The following ETV4 variants were observed in gnomAD, a reference collection of about 807,000 sequenced individuals.
The protein encoded by ETV4 is ETS variant transcription factor 4, also known as ETS translocation variant 4.
In ETV4, 42 loss-of-function variants were observed where a neutral mutation model predicts 65.9. That is an observed-to-expected ratio of 0.64 (90% CI 0.50 to 0.82). ETV4 has a LOEUF of 0.82. Among genes scored for constraint, ETV4 ranks in the 40% least tolerant of loss-of-function variants. The pLI is 0.00. For missense variants in ETV4, 583 were observed against 630.3 expected (o/e 0.92, Z 0.80); for synonymous variants, 238 against 260.0 (o/e 0.92, Z 0.81).
At chr17:43,543,023 G>A (rs1222052878) in intron 4 of ETV4, among the ~76,000 whole-genome samples, 1 of 152,092 alleles carries the variant, frequency 6.6e-6, no homozygotes, top group Admixed American at 6.5e-5. Context: ...ATGGTGCAGG[G>A]GGACAGGGCC....
chr17:43,529,748 G>A lies in ETV4; in HGVS notation c.956-72C>T, dbSNP rs926602619. 5.7e-6 allele frequency: 9 copies of A among 1,590,872 alleles called. No individual in the cohort carries two copies. In the African/African-American group the frequency reaches 1.2e-4, roughly 21 times the overall value. ...CCCCAAGCAACCGCCTCCCACCCGA[G>A]GGATTTCTCGAAGGGGTCTCCCCAG... is the stretch of plus-strand genomic sequence containing the variant. On this transcript the variant is annotated intron_variant, in intron 10 of 12. Coordinates refer to ENST00000319349, the MANE Select transcript of ETV4 (RefSeq NM_001079675.5).
At chr17:43,536,039 AG>A (rs1971226674) in intron 5 of ETV4, among the ~76,000 whole-genome samples, 1 of 152,192 alleles carries the variant, frequency 6.6e-6, no homozygotes, top group African/African-American at 2.4e-5. Flanking sequence ...TAAACCCGGG[AG>A]GCGGAAGTTG....
chr17:43,543,401 C>A (rs1971631528), intron 4 of ETV4, among the ~76,000 whole-genome samples: 2 of 152,178 alleles, frequency 1.3e-5, no homozygotes, highest in African/African-American at 4.8e-5. Flanking sequence ...GAGATGAGAG[C>A]ATTTTCCTCC....
chr17:43,530,487 G>A (rs886703075), intron 8 of ETV4: 3 of 1,272,724 alleles, frequency 2.4e-6, no homozygotes, highest in Admixed American at 3.6e-5. Context: ...GCGAGTTCAG[G>A]GGGAGGAGGG....
rs1367844976 is a variant in ETV4 at position 43,545,343 on chromosome 17, G to T, written c.85C>A (p.Arg29Ser). ...SSKSPGNGSL[R>S]EALIGPLGKL... Reference sequence around the variant, plus strand: ...CCCAGCGGGCCGATCAGCGCTTCGCGCAAGCTCCCATTTCCGGGCGATTTC... The same window carrying T: ...CCCAGCGGGCCGATCAGCGCTTCGCTCAAGCTCCCATTTCCGGGCGATTTC... Residue 29 changes from arginine (R) to serine (S), a missense_variant, in exon 3 of 13, where the codon CGC becomes AGC. Arg to Ser is a moderately radical substitution (Grantham distance 110). Transcript: ENST00000319349. 1 of 1,604,222 alleles carries T rather than the reference G, an allele frequency of 6.2e-7. No homozygotes were observed. Among genetic ancestry groups the T allele is most frequent in the Non-Finnish European group, 8.5e-7 (1 of 1,175,250 alleles).
chr17:43,532,783 A>G lies in ETV4; in HGVS notation c.702T>C (p.Tyr234=), dbSNP rs139596459. 6 of 1,613,926 alleles carry G rather than the reference A, an allele frequency of 3.7e-6. No individual in the cohort carries two copies. Among genetic ancestry groups the G allele is most frequent in the Non-Finnish European group, 2.5e-6 (3 of 1,179,980 alleles). ...CCACGGCTGGCTGGCCCGCCTGTTC[A>G]TACAGGGGATCATGGTATTCTTGCT... ...SFKQEYHDPL[Y]EQAGQPAVDQ... Residue 234 remains tyrosine, a synonymous_variant, in exon 8 of 13, where the codon TAT becomes TAC. Transcript: ENST00000319349.
chr17:43,541,236 G>A (rs1218739214), intron 4 of ETV4, among the ~76,000 whole-genome samples: 3 of 152,224 alleles, frequency 2.0e-5, no homozygotes, highest in Admixed American at 6.5e-5. Context: ...TCCAGAGACT[G>A]TCAACAGGAT....
rs776306922 is a variant in ETV4, at chr17:43,545,340, C to T, written c.88G>A (p.Glu30Lys). The change falls in exon 3 of 13, where the codon GAA becomes AAA. Residue 30 changes from glutamate (E) to lysine (K), a missense_variant. Physicochemically the swap from Glu to Lys is moderately conservative, Grantham distance 56 (BLOSUM62 1). Coordinates refer to ENST00000319349, the MANE Select transcript of ETV4 (RefSeq NM_001079675.5). ...SKSPGNGSLR[E>K]ALIGPLGKLM... The stretch of plus-strand genomic sequence containing the variant: ...TTCCCCAGCGGGCCGATCAGCGCTT[C>T]GCGCAAGCTCCCATTTCCGGGCGAT... 3 of 1,605,636 alleles carry T rather than the reference C, an allele frequency of 1.9e-6. No homozygotes were observed. In the East Asian group the frequency reaches 6.7e-5, roughly 36 times the overall value.
intron 8 of ETV4, chr17:43,530,550 C>T: frequency 1.5e-6 from 1 of 688,322 alleles, no homozygotes; most frequent in African/African-American, 1.8e-5. Flanking sequence ...CTAAGACTCC[C>T]TCAGAATGGA....
rs202040325 is a variant in ETV4 at position 43,529,883 on chromosome 17, C to A, written c.955+1G>T. On this transcript the variant is annotated splice_donor_variant, in intron 10 of 12. Transcript: ENST00000319349. LOFTEE classifies it high-confidence loss of function. ...CTCCCATCAACAGTCACTTCTCTGA[C>A]CTTCAAATTTCTCAGGGACAACGCA... The A allele has an allele frequency of 1.9e-6, 3 of 1,614,150 alleles. No individual in the cohort carries two copies. The highest frequency in any genetic ancestry group is 2.5e-6 in the Non-Finnish European group (3 of 1,180,020).
chr17:43,533,399 T>C, intron 6 of ETV4, 51 bp from the exon 7 acceptor site: 1 of 1,542,828 alleles, frequency 6.5e-7, no homozygotes, highest in Non-Finnish European at 8.9e-7. Context: ...CTGGAAAGCA[T>C]CTTTGAACCC....
intron 4 of ETV4, among the ~76,000 whole-genome samples, chr17:43,537,911 C>T (rs1298002017): frequency 6.6e-6 from 1 of 151,848 alleles, no homozygotes. Flanking sequence ...GGCAGATCAC[C>T]AGGTCAGGAG....
At chr17:43,545,437 C>A in intron 2 of ETV4, 70 bp from the exon 3 acceptor site, 1 of 1,431,210 alleles carries the variant, frequency 7.0e-7, no homozygotes. Context: ...GGTTGGGGTC[C>A]TCGGGTGACT....
intron 1 of ETV4, chr17:43,545,934 CGTGTGTGTGTGTGTGTGTGTGT>C (rs531139204): frequency 3.4e-5 from 9 of 263,304 alleles, no homozygotes; most frequent in South Asian, 1.4e-4. Flanking sequence ...TACATAAGAA[CGTGTGTGTGTGTGTGTGTGTGT>C]GTGTGTGTGT....
chr17:43,537,900 G>A (rs1378198310), intron 4 of ETV4, among the ~76,000 whole-genome samples: 9 of 152,046 alleles, frequency 5.9e-5, no homozygotes, highest in East Asian at 1.9e-4. Context: ...AGGCTGAGGC[G>A]GGCAGATCAC....
rs114209626 is a variant in ETV4 at position 43,545,237 on chromosome 17, C to A, written c.154+37G>T. 3 of 710,504 alleles carry A rather than the reference C, an allele frequency of 4.2e-6. No homozygotes were observed. The African/African-American group carries it at 1.0e-4, about 24-fold the overall frequency. The allele number at this position is 710,504 out of a possible 1,614,324, so 44.0% of individuals were successfully genotyped here. On this transcript the variant is annotated intron_variant, in intron 3 of 12. Transcript: ENST00000319349. ...TGTGTGTGTGTGTGTGTGTGTGTGG[C>A]GGAGGAGGGTCGCGGTTTGTCTCTC...
rs1970695495 is a variant in ETV4 at position 43,528,484 on chromosome 17, C to T, written c.*35G>A. On this transcript the variant is annotated 3_prime_UTR_variant, in exon 13 of 13. Coordinates refer to ENST00000319349, the MANE Select transcript of ETV4 (RefSeq NM_001079675.5). Reference sequence around the variant, plus strand: ...ATTCATTTATATGTACACAGGGCAGCACCCACCTGCGGCAGGGGGAACAGC... The same window carrying T: ...ATTCATTTATATGTACACAGGGCAGTACCCACCTGCGGCAGGGGGAACAGC... The T allele has an allele frequency of 7.0e-7, 1 of 1,429,100 alleles. No individual in the cohort carries two copies. The highest frequency in any genetic ancestry group is 1.4e-5 in the African/African-American group (1 of 71,206). 88.5% of individuals were successfully genotyped at this position (1,429,100 alleles called of 1,614,324 possible).
chr17:43,530,290 C>T (rs1970844574), intron 8 of ETV4, 109 bp from the exon 9 acceptor site: 1 of 1,515,650 alleles, frequency 6.6e-7, no homozygotes, highest in Middle Eastern at 1.7e-4. Context: ...CAGCCTGCTT[C>T]CTGGTGACTG....
chr17:43,533,041 G>A lies in ETV4; in HGVS notation c.546-102C>T, dbSNP rs1173495771. On this transcript the variant is annotated intron_variant, in intron 7 of 12. Transcript: ENST00000319349. ...TTTAGAGTGGGCTCCGGAATGGGGG[G>A]TAGGGGGTTGGGGTGTCAGTATTTC... is the stretch of plus-strand genomic sequence containing the variant. The A allele has an allele frequency of 3.3e-6, 5 of 1,495,954 alleles. No homozygotes were observed. In the South Asian group the frequency reaches 5.3e-5, roughly 16 times the overall value. The allele number at this position is 1,495,954 out of a possible 1,614,324, so 92.7% of individuals were successfully genotyped here.
Sources: allele counts gnomAD v4.1 joint callset (sites outside exome capture counted in the v4.1 genomes callset), GRCh38; gene constraint gnomAD v4.1.1; transcripts MANE v1.5; gene names NCBI Gene and HGNC (gene_info 2026-07-23, HGNC 2026-07-21).